Variants in ANAPC16 observed in about 807,000 individuals in gnomAD.
ANAPC16 encodes anaphase promoting complex subunit 16, also known as anaphase-promoting complex subunit 16.
ANAPC16 carries 6 observed loss-of-function variants against 13.1 expected under a neutral mutation model. The ratio of observed to expected loss-of-function variants is 0.46; its 90% CI spans 0.25 to 0.90. The LOEUF (loss-of-function observed/expected upper bound fraction) is 0.90. Among genes scored for constraint, ANAPC16 ranks in the 40% least tolerant of loss-of-function variants. The probability of loss-of-function intolerance (pLI) is 0.18; values close to 1 mark genes in which losing one functional copy is unlikely to be tolerated. For synonymous variants in ANAPC16, 55 were observed against 51.3 expected (o/e 1.07, Z -0.31); for missense variants, 113 against 131.1 (o/e 0.86, Z 0.67).
At chr10:72,225,273 AC>A (rs1277974258) in intron 2 of ANAPC16, among the ~76,000 whole-genome samples, 1 of 151,848 alleles carries the variant, frequency 6.6e-6, no homozygotes, top group Admixed American at 6.6e-5. Flanking sequence ...ACAGAGCAAG[AC>A]TCTGTCTCAA....
intron 1 of ANAPC16, among the ~76,000 whole-genome samples, chr10:72,218,145 C>CAAAAAAAAAAAAAAAAAAAAAAAAA (rs142932037): frequency 2.9e-5 from 1 of 34,880 alleles, no homozygotes; most frequent in African/African-American, 2.4e-4. Flanking sequence ...AACTCTGTCT[C>CAAAAAAAAAAAAAAAAAAAAAAAAA]AAAAAAAAAA....
In ANAPC16 at chr10:72,231,405, G is replaced by T. The variant is rs554772069; in HGVS notation, c.217+965G>T. ...GAAAATACAAAAATTAGTGGAGAAT[G>T]GTGGTGCATGCCTGTGGTCCCAGCT... On this transcript the variant is annotated intron_variant, in intron 3 of 3. Transcript: ENST00000299381. Among the ~76,000 whole-genome samples, 66 of 152,122 alleles carry T rather than the reference G, an allele frequency of 4.3e-4. 1 individual carries two copies. Among genetic ancestry groups the T allele is most frequent in the Middle Eastern group, 3.4e-3 (1 of 294 alleles).
intron 1 of ANAPC16, among the ~76,000 whole-genome samples, chr10:72,217,603 G>GT (rs1047308596): frequency 2.0e-5 from 3 of 152,036 alleles, no homozygotes; most frequent in Non-Finnish European, 2.9e-5. Flanking sequence ...TTCCCATGAG[G>GT]TTTTTTCATA....
rs1589719558 is a variant in ANAPC16 at position 72,233,123 on chromosome 10, C to CT, written c.*8dup. The CT allele has an allele frequency of 6.2e-7, 1 of 1,611,834 alleles. No individual in the cohort carries two copies. Among genetic ancestry groups the CT allele is most frequent in the East Asian group, 2.2e-5 (1 of 44,876 alleles). On this transcript the variant is annotated 3_prime_UTR_variant, in exon 4 of 4. Coordinates refer to ENST00000299381, the MANE Select transcript of ANAPC16 (RefSeq NM_173473.4). The stretch of plus-strand genomic sequence containing the variant: ...CACCCCCTCTTCAGGTTGATACTGC[C>CT]TGGATGGTCACCTCTGGTGCGCAGC...
intron 2 of ANAPC16, among the ~76,000 whole-genome samples, chr10:72,224,605 T>A (rs1460374921): frequency 7.1e-6 from 1 of 140,760 alleles, no homozygotes; most frequent in East Asian, 2.0e-4. Flanking sequence ...AGAATGAGAC[T>A]CTGTCTCAAA....
intron 3 of ANAPC16, among the ~76,000 whole-genome samples, chr10:72,232,479 G>A (rs1860347184): frequency 6.6e-6 from 1 of 151,172 alleles, no homozygotes; most frequent in Non-Finnish European, 1.5e-5. Context: ...ACGAGGCAGA[G>A]GTTTCAGTGA....
chr10:72,220,712 C>CTAAAAAAAAAAA, intron 1 of ANAPC16: 1 of 103,452 alleles, frequency 9.7e-6, no homozygotes, highest in Non-Finnish European at 2.0e-5. Flanking sequence ...TTGCAACTAG[C>CTAAAAAAAAAAA]AAAAAAAAAA....
chr10:72,230,578 C>G (rs774620091), intron 3 of ANAPC16, 138 bp downstream of exon 3: 11 of 714,162 alleles, frequency 1.5e-5, no homozygotes, highest in Non-Finnish European at 2.6e-5. Context: ...AGGTCTTAAT[C>G]TAGTCATAAT....
chr10:72,226,640 T>C (rs1305710356), intron 2 of ANAPC16, among the ~76,000 whole-genome samples: 1 of 151,510 alleles, frequency 6.6e-6, no homozygotes, highest in Non-Finnish European at 1.5e-5. Context: ...ATCACTGCAT[T>C]CGAGCCTGGG....
intron 1 of ANAPC16, among the ~76,000 whole-genome samples, chr10:72,221,810 A>G (rs1317629806): frequency 1.5e-4 from 23 of 149,456 alleles, no homozygotes; most frequent in African/African-American, 5.2e-4. Context: ...GCTTACTGCA[A>G]CCACTGCCTC....
At chr10:72,223,502 A>C (rs879453911) in intron 1 of ANAPC16, 2 of 157,596 alleles carry the variant, frequency 1.3e-5, no homozygotes, top group Non-Finnish European at 2.8e-5. Flanking sequence ...ATCAGGATGT[A>C]TCCAAGAAAA....
intron 1 of ANAPC16, among the ~76,000 whole-genome samples, chr10:72,221,638 C>T (rs1859937559): frequency 6.7e-6 from 1 of 149,072 alleles, no homozygotes; most frequent in Non-Finnish European, 1.5e-5. Flanking sequence ...CTGCAACCTC[C>T]GCCTCCCAGG....
chr10:72,223,979 G>A lies in ANAPC16; in HGVS notation c.65G>A (p.Gly22Asp), dbSNP rs1484504911. 3 of 1,612,356 alleles carry A rather than the reference G, an allele frequency of 1.9e-6. No individual in the cohort carries two copies. The change falls in exon 2 of 4, where the codon GGT becomes GAT. Residue 22 changes from glycine to aspartate, a missense_variant. By Grantham distance (94) the Gly-to-Asp change is moderately conservative (BLOSUM62 -1). Transcript: ENST00000299381. ...AGTGGAAGTTCTGTCACTGGATCTG[G>A]TTTCAGTGTCTCAGACCTTGCCCCA... is the stretch of plus-strand genomic sequence containing the variant. ...GVSGSSVTGS[G>D]FSVSDLAPPR... is the part of the protein sequence containing the mutation.
intron 2 of ANAPC16, among the ~76,000 whole-genome samples, chr10:72,225,016 G>GTGA (rs1303086540): frequency 3.9e-5 from 6 of 152,136 alleles, no homozygotes; most frequent in African/African-American, 1.4e-4. Context: ...AGGCACTGTA[G>GTGA]CTCATGCCTG....
In ANAPC16 at chr10:72,218,095, A is replaced by G. The variant is rs1441967063; in HGVS notation, c.-28+1957A>G. On this transcript the variant is annotated intron_variant, in intron 1 of 3. Coordinates refer to ENST00000299381, the MANE Select transcript of ANAPC16 (RefSeq NM_173473.4). The stretch of plus-strand genomic sequence containing the variant: ...GGGAGGCGGAGGTTGCAGTGAGCCA[A>G]GATCGTGCCATTGCACTCTAGCCTG... Among the ~76,000 whole-genome samples the G allele has an allele frequency of 2.8e-5, 4 of 143,948 alleles. No individual in the cohort carries two copies. The East Asian group carries it at 6.2e-4, about 22-fold the overall frequency. 94.4% of individuals were successfully genotyped at this position (143,948 alleles called of 152,430 possible).
At chr10:72,227,907 G>A (rs986567925) in intron 2 of ANAPC16, among the ~76,000 whole-genome samples, 30 of 150,386 alleles carry the variant, frequency 2.0e-4, no homozygotes, top group Admixed American at 6.6e-5. Flanking sequence ...ATCGTGGTGT[G>A]TGCCTATAGT....
At chr10:72,222,450 T>TAG (rs1859975284) in intron 1 of ANAPC16, among the ~76,000 whole-genome samples, 1 of 136,952 alleles carries the variant, frequency 7.3e-6, no homozygotes, top group African/African-American at 2.7e-5. Flanking sequence ...CTGAGCAACA[T>TAG]AGCAAGACCT....
chr10:72,218,221 C>T (rs1190175168), intron 1 of ANAPC16, among the ~76,000 whole-genome samples: 2 of 89,230 alleles, frequency 2.2e-5, no homozygotes, highest in African/African-American at 4.3e-5. Context: ...TATATATATG[C>T]CGGAGGTTGC....
At chr10:72,218,158 AAAAAAAAATATATATAT>A (rs1859672142) in intron 1 of ANAPC16, among the ~76,000 whole-genome samples, 6 of 46,782 alleles carry the variant, frequency 1.3e-4, no homozygotes, top group East Asian at 5.9e-4. Context: ...AAAAAAAAAA[AAAAAAAAATATATATAT>A]ATATATATAT....
Sources: allele counts gnomAD v4.1 joint callset (sites outside exome capture counted in the v4.1 genomes callset), GRCh38; gene constraint gnomAD v4.1.1; transcripts MANE v1.5; gene names NCBI Gene and HGNC (gene_info 2026-07-23, HGNC 2026-07-21).